The following ASCC2 variants were observed in gnomAD, a reference collection of about 807,000 sequenced individuals.
ASCC2 encodes ASC-1 complex subunit P100.
ASCC2 carries 42 observed loss-of-function variants against 93.5 expected under a neutral mutation model. That is an observed-to-expected ratio of 0.45 (90% CI 0.35 to 0.58). ASCC2 has a LOEUF of 0.58. Ranked by LOEUF, ASCC2 falls within the 20% of genes least tolerant of loss-of-function variation. The pLI is 0.00. For synonymous variants in ASCC2, 364 were observed against 384.2 expected (o/e 0.95, Z 0.62); for missense variants, 859 against 977.6 (o/e 0.88, Z 1.62).
At chr22:29,818,387 T>C (rs1371860475) in intron 5 of ASCC2, among the ~76,000 whole-genome samples, 3 of 89,754 alleles carry the variant, frequency 3.3e-5, no homozygotes, top group Non-Finnish European at 7.5e-5. Context: ...GTCCCTTCTC[T>C]GCATCACTCC....
chr22:29,810,037 C>T (rs1462322060), intron 8 of ASCC2: 1 of 152,314 alleles, frequency 6.6e-6, no homozygotes, highest in Non-Finnish European at 1.5e-5. Flanking sequence ...GCCGCACAAC[C>T]CCTCAACATT....
At chr22:29,823,461 AAGAGAACTAAGGG>A (rs1488785597) in intron 4 of ASCC2, among the ~76,000 whole-genome samples, 1 of 152,250 alleles carries the variant, frequency 6.6e-6, no homozygotes, top group Non-Finnish European at 1.5e-5. Context: ...TTCAGGAAAA[AAGAGAACTAAGGG>A]AGAGAGATAA....
rs759001035 is a variant in ASCC2, at chr22:29,806,838, G to C, written c.975C>G (p.Ile325Met). ...GAAGGAGGCAGATCTGGTTCAGGAT[G>C]ATGTGGAAAATCTCCATTAGCTTCT... Reference protein sequence around the residue: ...SRKKLMEIFHIILNQICLLPI... With the variant: ...SRKKLMEIFHMILNQICLLPI... Residue 325 changes from isoleucine to methionine, a missense_variant, in exon 10 of 20, where the codon ATC (isoleucine) becomes ATG (methionine). Physicochemically the swap from Ile to Met is conservative, Grantham distance 10. Coordinates refer to ENST00000307790, the MANE Select transcript of ASCC2 (RefSeq NM_032204.5). 1 of 1,614,050 alleles carries C rather than the reference G, an allele frequency of 6.2e-7. No homozygotes were observed. Among genetic ancestry groups the C allele is most frequent in the South Asian group, 1.1e-5 (1 of 91,080 alleles).
chr22:29,814,856 TG>T, intron 6 of ASCC2, 89 bp from the exon 7 acceptor site: 2 of 989,482 alleles, frequency 2.0e-6, no homozygotes, highest in Non-Finnish European at 3.1e-6. Context: ...ATCTGAAAAC[TG>T]CCTTGGAGTT....
At chr22:29,820,863 A>C (rs2148122630) in intron 5 of ASCC2, among the ~76,000 whole-genome samples, 1 of 146,980 alleles carries the variant, frequency 6.8e-6, no homozygotes, top group East Asian at 2.0e-4. Context: ...CCGAGATTGC[A>C]CCATTGCACT....
At chr22:29,822,962 A>C (rs978963225) in intron 4 of ASCC2, among the ~76,000 whole-genome samples, 1 of 151,490 alleles carries the variant, frequency 6.6e-6, no homozygotes, top group Non-Finnish European at 1.5e-5. Flanking sequence ...TCAAGCAATG[A>C]GCTTGCCTCG....
intron 5 of ASCC2, chr22:29,816,626 G>A (rs1302869196): frequency 6.6e-6 from 1 of 152,274 alleles, no homozygotes; most frequent in Non-Finnish European, 1.5e-5. Flanking sequence ...GGCCTGAGAA[G>A]GACTTGGAGA....
intron 9 of ASCC2, 83 bp from the exon 10 acceptor site, chr22:29,806,987 C>A: frequency 1.9e-6 from 2 of 1,061,922 alleles, no homozygotes; most frequent in East Asian, 5.0e-5. Flanking sequence ...ACCTGAAACC[C>A]TAGCATCTTG....
At chr22:29,802,566 T>C (rs968152264) in intron 13 of ASCC2, among the ~76,000 whole-genome samples, 5 of 151,634 alleles carry the variant, frequency 3.3e-5, no homozygotes, top group African/African-American at 1.2e-4. Context: ...TTTGGGAGGC[T>C]GAGGCAAGAG....
intron 8 of ASCC2, among the ~76,000 whole-genome samples, chr22:29,811,707 T>C (rs1602006026): frequency 6.6e-6 from 1 of 152,340 alleles, no homozygotes; most frequent in East Asian, 1.9e-4. Flanking sequence ...GAGATGGGTA[T>C]AGCTTCTCCC....
At chr22:29,810,779 G>A (rs1037613008) in intron 8 of ASCC2, among the ~76,000 whole-genome samples, 2 of 150,602 alleles carry the variant, frequency 1.3e-5, no homozygotes, top group Non-Finnish European at 3.0e-5. Flanking sequence ...TGCCCAGGCT[G>A]GAGGGCAGTG....
Position 29,825,326 on chromosome 22 carries a change from C to G in ASCC2, c.241-69G>C. On this transcript the variant is annotated intron_variant, in intron 3 of 19. Transcript: ENST00000307790. The surrounding 1 kb of genome is among the most constrained non-coding windows in gnomAD (Gnocchi z 4.9). ...CCCAGGGGCTTGTGGGTGGACTGTG[C>G]AGGGACTCAATGCCCATCAGCCCTG... 1 of 1,483,874 alleles carries G rather than the reference C, an allele frequency of 6.7e-7. No homozygotes were observed. Among genetic ancestry groups the G allele is most frequent in the Non-Finnish European group, 9.1e-7 (1 of 1,104,792 alleles). The allele number at this position is 1,483,874 out of a possible 1,614,324, so 91.9% of individuals were successfully genotyped here.
chr22:29,801,568 A>G (rs561710850), intron 14 of ASCC2, among the ~76,000 whole-genome samples: 1 of 152,216 alleles, frequency 6.6e-6, no homozygotes, highest in Non-Finnish European at 1.5e-5. Context: ...CTGCTGTCCC[A>G]TGGGGCCTTC....
intron 2 of ASCC2, among the ~76,000 whole-genome samples, chr22:29,828,676 G>GT (rs1297101905): frequency 6.6e-6 from 1 of 152,094 alleles, no homozygotes; most frequent in African/African-American, 2.4e-5. Flanking sequence ...CCTGCATTCT[G>GT]TGCTCACCTC....
At chr22:29,828,194 A>C (rs1371443854) in intron 2 of ASCC2, among the ~76,000 whole-genome samples, 1 of 152,216 alleles carries the variant, frequency 6.6e-6, no homozygotes, top group Non-Finnish European at 1.5e-5. Flanking sequence ...AAGGACTTCA[A>C]ATGGAAGAAA....
chr22:29,804,452 T>C (rs1316669246), intron 13 of ASCC2, among the ~76,000 whole-genome samples, 186 bp downstream of exon 13: 1 of 152,180 alleles, frequency 6.6e-6, no homozygotes, highest in African/African-American at 2.4e-5. Context: ...CAGTCCAGCA[T>C]GCCCCCAGCT....
chr22:29,790,202 C>T (rs989116232), intron 19 of ASCC2, among the ~76,000 whole-genome samples: 10 of 152,178 alleles, frequency 6.6e-5, no homozygotes, highest in African/African-American at 2.4e-4. Flanking sequence ...TGAGTGGGGA[C>T]CCTGGAGCTG....
In ASCC2 at chr22:29,793,699, G is replaced by T. The variant is rs371783495; in HGVS notation, c.1689-23C>A. On this transcript the variant is annotated intron_variant, in intron 15 of 19. Transcript: ENST00000307790. ...GTGCTGAGAAGGAACAGCAGAAAGA[G>T]AGGAAGGAAAACCATCAGGCTTGGA... The T allele has an allele frequency of 9.7e-6, 15 of 1,545,344 alleles. No homozygotes were observed. The Admixed American group carries it at 2.3e-4, about 24-fold the overall frequency.
chr22:29,822,035 C>A, intron 5 of ASCC2: 1 of 404,818 alleles, frequency 2.5e-6, no homozygotes, highest in Non-Finnish European at 4.8e-6. Context: ...TGCTCCATCT[C>A]AAACACTGCA....
Sources: allele counts gnomAD v4.1 joint callset (sites outside exome capture counted in the v4.1 genomes callset), GRCh38; gene constraint gnomAD v4.1.1; non-coding constraint Gnocchi (gnomAD v3.1); transcripts MANE v1.5; gene names NCBI Gene and HGNC (gene_info 2026-07-23, HGNC 2026-07-21).